The following TULP3 variants were observed in gnomAD, a reference collection of about 807,000 sequenced individuals.
The protein encoded by TULP3 is tubby-related protein 3.
A neutral mutation model predicts 50.7 loss-of-function variants in TULP3; 38 were observed. The ratio of observed to expected loss-of-function variants is 0.75; its 90% CI spans 0.58 to 0.98. The LOEUF (loss-of-function observed/expected upper bound fraction) is 0.98, where lower values mean the gene tolerates loss of function less well. Among genes scored for constraint, TULP3 ranks in the 50% least tolerant of loss-of-function variants. The pLI, the probability that TULP3 is intolerant of heterozygous loss-of-function variation, is 0.00. For synonymous variants in TULP3, 183 were observed against 196.6 expected (o/e 0.93, Z 0.58); for missense variants, 550 against 568.0 (o/e 0.97, Z 0.32).
intron 4 of TULP3, among the ~76,000 whole-genome samples, chr12:2,929,112 A>G (rs2098196318): frequency 6.7e-6 from 1 of 149,668 alleles, no homozygotes; most frequent in African/African-American, 2.5e-5. Flanking sequence ...AGGTCAGGAG[A>G]TAGAGACCAT....
chr12:2,890,944 G>C lies in TULP3; in HGVS notation c.-4G>C, dbSNP rs751710571. Reference sequence around the variant, plus strand: ...ACGTGGTGGGGGCTTCCTCGGTGGCGGGCATGGAGGCTTCGCGCTGCCGGC... The same window carrying C: ...ACGTGGTGGGGGCTTCCTCGGTGGCCGGCATGGAGGCTTCGCGCTGCCGGC... On this transcript the variant is annotated 5_prime_UTR_variant, in exon 1 of 11. Coordinates refer to ENST00000448120, the MANE Select transcript of TULP3 (RefSeq NM_003324.5). The C allele has an allele frequency of 1.3e-6, 2 of 1,596,080 alleles. No individual in the cohort carries two copies. Among genetic ancestry groups the C allele is most frequent in the East Asian group, 4.6e-5 (2 of 43,416 alleles).
intron 5 of TULP3, 174 bp from the exon 6 acceptor site, chr12:2,930,863 C>T (rs10848749): frequency 0.45 from 317,204 of 705,132 alleles, 73,174 homozygotes; most frequent in African/African-American, 0.6. Context: ...GATACTTACT[C>T]TTCATTACTC....
At chr12:2,928,790 A>G (rs1591535590) in intron 4 of TULP3, among the ~76,000 whole-genome samples, 1 of 151,988 alleles carries the variant, frequency 6.6e-6, no homozygotes, top group East Asian at 2.0e-4. Flanking sequence ...TAAAAATACA[A>G]AAAAATTAGC....
At chr12:2,906,780 G>A (rs1438270376) in intron 1 of TULP3, among the ~76,000 whole-genome samples, 1 of 149,716 alleles carries the variant, frequency 6.7e-6, no homozygotes, top group South Asian at 2.1e-4. Context: ...GCCGGGCGTG[G>A]TGGCACACGC....
In TULP3 at chr12:2,898,079, CAAA is replaced by C. The variant is rs59718569; in HGVS notation, c.41+7108_41+7110del. Among the ~76,000 whole-genome samples the C allele has an allele frequency of 7.5e-5, 7 of 93,190 alleles. 1 individual carries two copies. Among genetic ancestry groups the C allele is most frequent in the Admixed American group, 2.8e-4 (2 of 7,264 alleles). 61.1% of individuals were successfully genotyped at this position (93,190 alleles called of 152,430 possible). A position where few individuals can be genotyped will look rare whatever the true frequency, so the allele number is the denominator to read the frequency against. Reference sequence around the variant, plus strand: ...GGCAACAAGAGCGGAAACTAGATCTCAAAAAAAAAAAAAAAAAAAGATATAATA... The same window carrying C: ...GGCAACAAGAGCGGAAACTAGATCTCAAAAAAAAAAAAAAAAGATATAATA... On this transcript the variant is annotated intron_variant, in intron 1 of 10. Coordinates refer to ENST00000448120, the MANE Select transcript of TULP3 (RefSeq NM_003324.5).
intron 1 of TULP3, among the ~76,000 whole-genome samples, chr12:2,908,425 G>GTTTT (rs3056922): frequency 0.48 from 72,291 of 151,540 alleles, 17,668 homozygotes; most frequent in African/African-American, 0.6. Flanking sequence ...TCAGAGAGAG[G>GTTTT]TTGTTTTTTT....
chr12:2,907,273 T>C (rs1404745783), intron 1 of TULP3, among the ~76,000 whole-genome samples: 1 of 151,874 alleles, frequency 6.6e-6, no homozygotes, highest in Non-Finnish European at 1.5e-5. Flanking sequence ...GGTCAGGAGA[T>C]CGAGACCATC....
chr12:2,917,613 C>T (rs2098189350), intron 2 of TULP3, among the ~76,000 whole-genome samples: 3 of 152,014 alleles, frequency 2.0e-5, no homozygotes, highest in Non-Finnish European at 2.9e-5. Context: ...TACGGTGGCT[C>T]ATGCCTGTAA....
intron 1 of TULP3, among the ~76,000 whole-genome samples, chr12:2,904,989 G>C (rs994675203): frequency 6.6e-6 from 1 of 151,318 alleles, no homozygotes; most frequent in Non-Finnish European, 1.5e-5. Flanking sequence ...GGAGGCTGAC[G>C]CAGGAGAATC....
chr12:2,920,938 G>A lies in TULP3; in HGVS notation c.253+16G>A. On this transcript the variant is annotated intron_variant, in intron 3 of 10. Transcript: ENST00000448120. Reference sequence around the variant, plus strand: ...ATCTTACATGGTGTGTATTTAGGCAGCATCACTTCCTAGTGGGGTACAATT... The same window carrying A: ...ATCTTACATGGTGTGTATTTAGGCAACATCACTTCCTAGTGGGGTACAATT... 6.2e-7 allele frequency: 1 copy of A among 1,613,142 alleles called. No homozygotes were observed. Among genetic ancestry groups the A allele is most frequent in the South Asian group, 1.1e-5 (1 of 91,052 alleles).
chr12:2,908,011 G>C (rs919298756), intron 1 of TULP3, among the ~76,000 whole-genome samples: 2 of 152,116 alleles, frequency 1.3e-5, no homozygotes, highest in African/African-American at 4.8e-5. Context: ...AAATCACAAA[G>C]CACCTGCACG....
At chr12:2,937,585 A>G (rs191939923) in intron 8 of TULP3, 46 bp from the exon 9 acceptor site, 3 of 1,380,174 alleles carry the variant, frequency 2.2e-6, no homozygotes, top group Admixed American at 1.8e-5. Flanking sequence ...TGTGGTCTCT[A>G]TTTTTTTCCT....
At chr12:2,930,822 G>C in intron 5 of TULP3, 1 of 616,456 alleles carries the variant, frequency 1.6e-6, no homozygotes, top group East Asian at 2.8e-5. Context: ...TTCTGTCTCA[G>C]GTCAGCTATT....
chr12:2,893,810 A>T (rs1327250220), intron 1 of TULP3, among the ~76,000 whole-genome samples: 1 of 144,154 alleles, frequency 6.9e-6, no homozygotes, highest in African/African-American at 2.5e-5. Flanking sequence ...TATTTTTTTT[A>T]ATTTTTATTT....
At chr12:2,908,665 C>G (rs567139795) in intron 1 of TULP3, among the ~76,000 whole-genome samples, 4 of 152,278 alleles carry the variant, frequency 2.6e-5, no homozygotes, top group Non-Finnish European at 5.9e-5. Flanking sequence ...TGTGATCCAC[C>G]TGCCTTGACC....
intron 1 of TULP3, among the ~76,000 whole-genome samples, chr12:2,903,870 G>A (rs1399935109): frequency 1.3e-5 from 2 of 151,822 alleles, no homozygotes; most frequent in African/African-American, 2.4e-5. Context: ...TGCAACCTCC[G>A]CCTCCCGGGT....
chr12:2,913,508 C>T (rs1018043920), intron 2 of TULP3, among the ~76,000 whole-genome samples: 1 of 152,140 alleles, frequency 6.6e-6, no homozygotes, highest in African/African-American at 2.4e-5. Flanking sequence ...AAGTGATCCT[C>T]CTTCCTCTGC....
chr12:2,895,249 C>T (rs1421043716), intron 1 of TULP3, among the ~76,000 whole-genome samples: 1 of 152,172 alleles, frequency 6.6e-6, no homozygotes, highest in Non-Finnish European at 1.5e-5. Flanking sequence ...CTCATTGCCT[C>T]CCTCTCCCCA....
At chr12:2,906,273 G>T (rs761192138) in intron 1 of TULP3, among the ~76,000 whole-genome samples, 8 of 148,700 alleles carry the variant, frequency 5.4e-5, no homozygotes, top group South Asian at 4.2e-4. Flanking sequence ...CTCGTGATCC[G>T]CTGGCCTCGG....
Sources: allele counts gnomAD v4.1 joint callset (sites outside exome capture counted in the v4.1 genomes callset), GRCh38; gene constraint gnomAD v4.1.1; transcripts MANE v1.5; gene names NCBI Gene and HGNC (gene_info 2026-07-23, HGNC 2026-07-21).